CADPS2: variants seen among roughly 807,000 people sequenced by gnomAD.
CADPS2 encodes the protein calcium-dependent secretion activator 2.
CADPS2 carries 93 observed loss-of-function variants against 172.5 expected under a neutral mutation model. The ratio of observed to expected loss-of-function variants is 0.54; its 90% CI spans 0.46 to 0.64. The LOEUF (loss-of-function observed/expected upper bound fraction) is 0.64, where lower values mean the gene tolerates loss of function less well. Ranked by LOEUF, CADPS2 falls within the 30% of genes least tolerant of loss-of-function variation. The pLI is 0.00. For synonymous variants in CADPS2, 546 were observed against 555.2 expected, an observed-to-expected ratio of 0.98 and a Z score of 0.23; for missense variants, 1,420 against 1,565.9, an observed-to-expected ratio of 0.91 and a Z score of 1.57.
At chr7:122,325,363 G>T in intron 29 of CADPS2, 114 bp downstream of exon 29, 1 of 650,284 alleles carries the variant, frequency 1.5e-6, no homozygotes, top group East Asian at 2.8e-5. Context: ...GCACATCATT[G>T]CTAATAAGTG....
At chr7:122,541,894 T>C (rs184783549) in intron 8 of CADPS2, among the ~76,000 whole-genome samples, 122 of 146,550 alleles carry the variant, frequency 8.3e-4, no homozygotes, top group Non-Finnish European at 5.8e-4. Flanking sequence ...TATTCATATA[T>C]ATTTATATAT....
intron 1 of CADPS2, among the ~76,000 whole-genome samples, chr7:122,768,604 C>T (rs1029142246): frequency 6.6e-6 from 1 of 151,918 alleles, no homozygotes; most frequent in Non-Finnish European, 1.5e-5. Context: ...AAAAAGGAAT[C>T]AAAATAAATG....
chr7:122,461,066 C>A (rs1412484668), intron 14 of CADPS2, among the ~76,000 whole-genome samples: 2 of 152,146 alleles, frequency 1.3e-5, no homozygotes, highest in Admixed American at 1.3e-4. Flanking sequence ...AAAATAGTTA[C>A]AAGATTTTGT....
chr7:122,661,666 G>T (rs2080544579), intron 3 of CADPS2, among the ~76,000 whole-genome samples: 1 of 152,076 alleles, frequency 6.6e-6, no homozygotes, highest in Admixed American at 6.6e-5. Flanking sequence ...GCAAATAAAT[G>T]ACTTTTCTTG....
At chr7:122,633,035 A>G (rs2076727922) in intron 3 of CADPS2, among the ~76,000 whole-genome samples, 1 of 152,006 alleles carries the variant, frequency 6.6e-6, no homozygotes, top group African/African-American at 2.4e-5. Context: ...TGAGTTCTCT[A>G]TGCTGCTCCA....
At chr7:122,333,720 T>C (rs1023337149) in intron 28 of CADPS2, among the ~76,000 whole-genome samples, 2 of 152,208 alleles carry the variant, frequency 1.3e-5, no homozygotes, top group African/African-American at 2.4e-5. Flanking sequence ...TATAAAAATA[T>C]TGCACAATGT....
At chr7:122,340,691 G>A (rs982155128) in intron 28 of CADPS2, among the ~76,000 whole-genome samples, 1 of 152,150 alleles carries the variant, frequency 6.6e-6, no homozygotes. Context: ...ACCTGAGAGA[G>A]TGAGCAGCCA....
rs1224598345 is a variant in CADPS2, at chr7:122,319,049, TGA to T, written c.*1114_*1115del. 2.6e-5 allele frequency: 4 copies of T among 152,180 alleles called. No homozygotes were observed. The highest frequency in any genetic ancestry group is 9.7e-5 in the African/African-American group (4 of 41,444). 9.4% of individuals were successfully genotyped at this position (152,180 alleles called of 1,614,324 possible). ...CTCAAACCCTAGCAAGAAAATATTTTGAGAGAACCACTAATAATGTGAATTAC... is the reference window on the plus strand; with the variant it reads ...CTCAAACCCTAGCAAGAAAATATTTTGAGAACCACTAATAATGTGAATTAC... On this transcript the variant is annotated 3_prime_UTR_variant, in exon 30 of 30. Transcript: ENST00000449022.
chr7:122,608,011 G>A (rs1207983396), intron 6 of CADPS2, among the ~76,000 whole-genome samples: 2 of 152,064 alleles, frequency 1.3e-5, no homozygotes, highest in Admixed American at 1.3e-4. Flanking sequence ...GAGGTCAAGA[G>A]ATCAAGACCA....
chr7:122,426,504 C>T (rs2049190723), intron 17 of CADPS2, among the ~76,000 whole-genome samples: 1 of 152,148 alleles, frequency 6.6e-6, no homozygotes, highest in African/African-American at 2.4e-5. Context: ...TTGCTTGAAA[C>T]TATATGGTCA....
At chr7:122,779,622 G>T (rs148946384) in intron 1 of CADPS2, among the ~76,000 whole-genome samples, 1 of 152,256 alleles carries the variant, frequency 6.6e-6, no homozygotes, top group East Asian at 1.9e-4. Context: ...ATATAGAACT[G>T]AGTATAGACT....
intron 2 of CADPS2, among the ~76,000 whole-genome samples, chr7:122,733,158 A>C (rs1397953367): frequency 1.3e-5 from 2 of 151,854 alleles, no homozygotes; most frequent in African/African-American, 4.8e-5. Context: ...ACCATGCTTC[A>C]TATATATCTA....
intron 1 of CADPS2, among the ~76,000 whole-genome samples, chr7:122,857,824 T>C (rs2141230658): frequency 6.6e-6 from 1 of 152,264 alleles, no homozygotes; most frequent in East Asian, 1.9e-4. Context: ...GTGTTACAGT[T>C]CTTAAGGATG....
At chr7:122,537,173 A>G (rs914194874) in intron 8 of CADPS2, among the ~76,000 whole-genome samples, 1 of 147,672 alleles carries the variant, frequency 6.8e-6, no homozygotes, top group Non-Finnish European at 1.5e-5. Context: ...CTTAAAAGTG[A>G]AAAAAAAAAG....
chr7:122,675,766 C>CA (rs1467314701), intron 2 of CADPS2, among the ~76,000 whole-genome samples: 1 of 152,090 alleles, frequency 6.6e-6, no homozygotes, highest in African/African-American at 2.4e-5. Context: ...GGGAGCTAAA[C>CA]AATGAGAACA....
chr7:122,335,302 T>C (rs1563090804), intron 28 of CADPS2, among the ~76,000 whole-genome samples: 1 of 152,166 alleles, frequency 6.6e-6, no homozygotes, highest in Non-Finnish European at 1.5e-5. Context: ...CAGGCTGGAG[T>C]GCAGTGACAC....
At chr7:122,537,560 T>C (rs2062437511) in intron 8 of CADPS2, among the ~76,000 whole-genome samples, 1 of 151,008 alleles carries the variant, frequency 6.6e-6, no homozygotes, top group Non-Finnish European at 1.5e-5. Context: ...ATAAAACAAA[T>C]AAAAACAAAA....
chr7:122,566,747 A>G (rs902466669), intron 7 of CADPS2, among the ~76,000 whole-genome samples: 3 of 152,176 alleles, frequency 2.0e-5, no homozygotes, highest in South Asian at 2.1e-4. Flanking sequence ...CTAGTTTATT[A>G]CTTGATTAGG....
chr7:122,360,473 A>G (rs928262295), intron 27 of CADPS2, among the ~76,000 whole-genome samples: 1 of 152,198 alleles, frequency 6.6e-6, no homozygotes. Flanking sequence ...GGGGAGGAAA[A>G]GCGAGCAGTT....
Sources: gnomAD v4.1 joint callset for allele counts (sites outside exome capture counted in the v4.1 genomes callset) on GRCh38, gnomAD v4.1.1 for gene constraint, MANE v1.5 for transcripts, NCBI Gene and HGNC (gene_info 2026-07-23, HGNC 2026-07-21) for gene names.